Variants in PEX14 observed in about 807,000 individuals in gnomAD.
PEX14 encodes the protein peroxisomal biogenesis factor 14.
A neutral mutation model predicts 49.5 loss-of-function variants in PEX14; 15 were observed. The observed-to-expected ratio is 0.30, with a 90% CI of 0.20 to 0.47. PEX14 has a LOEUF of 0.47. PEX14 is among the 20% of genes least tolerant of loss of function. The pLI is 1.00. For synonymous variants in PEX14, 210 were observed against 212.7 expected (o/e 0.99, Z 0.11); for missense variants, 398 against 494.8 (o/e 0.80, Z 1.86).
intron 4 of PEX14, among the ~76,000 whole-genome samples, chr1:10,615,186 A>T (rs1052485201): frequency 2.0e-5 from 3 of 152,352 alleles, no homozygotes; most frequent in Admixed American, 6.5e-5. Context: ...ATAAAAGAAT[A>T]GATTGATAAA....
chr1:10,483,228 T>A (rs1041054780), intron 1 of PEX14, among the ~76,000 whole-genome samples: 1 of 152,192 alleles, frequency 6.6e-6, no homozygotes, highest in Non-Finnish European at 1.5e-5. Flanking sequence ...CAGTCATGGC[T>A]CGCTGCAGTC....
rs533352597 is a variant in PEX14, at chr1:10,610,586, A to C, written c.299-7746A>C. On this transcript the variant is annotated intron_variant, in intron 4 of 8. Transcript: ENST00000356607. ...AACCTCTGCCTCCCGGGTGGGTTCA[A>C]GTGATTCTCCTGCCTCAGCCTCCCG... 8.6e-5 allele frequency among the ~76,000 whole-genome samples: 13 copies of C among 151,990 alleles called. No individual in the cohort carries two copies. In the South Asian group the frequency reaches 1.0e-3, roughly 12 times the overall value.
intron 1 of PEX14, among the ~76,000 whole-genome samples, chr1:10,489,984 C>G (rs1641442563): frequency 1.3e-5 from 2 of 152,330 alleles, no homozygotes; most frequent in South Asian, 2.1e-4. Context: ...TGTTCCCTAT[C>G]ACTCCATCAT....
At chr1:10,483,177 A>G (rs1196468139) in intron 1 of PEX14, among the ~76,000 whole-genome samples, 2 of 152,202 alleles carry the variant, frequency 1.3e-5, no homozygotes, top group African/African-American at 4.8e-5. Context: ...AATTTTTGAG[A>G]CAGGGTCTCA....
intron 3 of PEX14, among the ~76,000 whole-genome samples, chr1:10,576,991 C>G (rs1310655272): frequency 6.6e-6 from 1 of 151,972 alleles, no homozygotes; most frequent in Non-Finnish European, 1.5e-5. Flanking sequence ...GTCCACCTGC[C>G]TCAGCCTCCT....
At chr1:10,561,612 T>G (rs1421014726) in intron 3 of PEX14, among the ~76,000 whole-genome samples, 1 of 152,200 alleles carries the variant, frequency 6.6e-6, no homozygotes, top group East Asian at 1.9e-4. Context: ...CTACCAGAAC[T>G]CTCCATATTA....
intron 3 of PEX14, among the ~76,000 whole-genome samples, chr1:10,550,706 G>A (rs2124509784): frequency 6.6e-6 from 1 of 152,248 alleles, no homozygotes; most frequent in South Asian, 2.1e-4. Flanking sequence ...GTAAACATGG[G>A]CTTATGAGAC....
At chr1:10,558,277 C>T (rs1042906538) in intron 3 of PEX14, among the ~76,000 whole-genome samples, 5 of 151,956 alleles carry the variant, frequency 3.3e-5, no homozygotes, top group South Asian at 2.1e-4. Flanking sequence ...CAAAGTGCTG[C>T]GATTACACGT....
intron 2 of PEX14, among the ~76,000 whole-genome samples, chr1:10,509,015 C>A (rs1641838655): frequency 6.6e-6 from 1 of 151,884 alleles, no homozygotes; most frequent in African/African-American, 2.4e-5. Flanking sequence ...CGGCTCACTG[C>A]AAACACCGCC....
chr1:10,578,910 T>C (rs1352698478), intron 3 of PEX14, among the ~76,000 whole-genome samples: 2 of 152,050 alleles, frequency 1.3e-5, no homozygotes, highest in Non-Finnish European at 2.9e-5. Flanking sequence ...GGAATAAAAA[T>C]AGGACCAGAG....
At chr1:10,498,134 G>C (rs1477301733) in intron 2 of PEX14, among the ~76,000 whole-genome samples, 1 of 152,110 alleles carries the variant, frequency 6.6e-6, no homozygotes, top group Non-Finnish European at 1.5e-5. Context: ...TTTAACATTA[G>C]CCGGGCTTGG....
chr1:10,578,204 G>C (rs1371260226), intron 3 of PEX14, among the ~76,000 whole-genome samples: 1 of 152,136 alleles, frequency 6.6e-6, no homozygotes, highest in African/African-American at 2.4e-5. Flanking sequence ...CATGCACAGG[G>C]GAAGTGCCAC....
intron 2 of PEX14, among the ~76,000 whole-genome samples, chr1:10,500,241 TA>T (rs1280986298): frequency 0.011 from 1,451 of 137,702 alleles, 19 homozygotes; most frequent in African/African-American, 0.03. Context: ...CGTCTCTACT[TA>T]AAAAAAAAAA....
chr1:10,556,144 G>T (rs1432560269), intron 3 of PEX14, among the ~76,000 whole-genome samples: 2 of 152,158 alleles, frequency 1.3e-5, no homozygotes, highest in Non-Finnish European at 2.9e-5. Flanking sequence ...CTCCTCCTCT[G>T]CTGGGATGAG....
At chr1:10,559,897 C>T (rs1029436811) in intron 3 of PEX14, among the ~76,000 whole-genome samples, 6 of 152,082 alleles carry the variant, frequency 3.9e-5, no homozygotes, top group Non-Finnish European at 8.8e-5. Context: ...TTTTCAGTCT[C>T]GCCTCCCCTG....
chr1:10,567,629 G>A (rs1298595180), intron 3 of PEX14, among the ~76,000 whole-genome samples: 11 of 151,990 alleles, frequency 7.2e-5, no homozygotes, highest in African/African-American at 2.7e-4. Context: ...CAAGTGGCTG[G>A]GATTACACGC....
intron 1 of PEX14, 51 bp downstream of exon 1, chr1:10,475,053 G>T (rs534211161): frequency 6.4e-7 from 1 of 1,556,016 alleles, no homozygotes; most frequent in African/African-American, 1.4e-5. Context: ...CGGCTGGAGG[G>T]GGCGCTCAGC....
intron 3 of PEX14, among the ~76,000 whole-genome samples, chr1:10,582,501 A>C (rs1640349649): frequency 6.6e-6 from 1 of 152,194 alleles, no homozygotes; most frequent in South Asian, 2.1e-4. Flanking sequence ...GTAGAAAAGT[A>C]CTTCTACCTA....
intron 3 of PEX14, among the ~76,000 whole-genome samples, chr1:10,588,155 G>A (rs1570313657): frequency 6.6e-6 from 1 of 151,890 alleles, no homozygotes; most frequent in South Asian, 2.1e-4. Flanking sequence ...AGGAGGCTAA[G>A]GTTGCAGTGA....
Sources: allele counts gnomAD v4.1 joint callset (sites outside exome capture counted in the v4.1 genomes callset), GRCh38; gene constraint gnomAD v4.1.1; transcripts MANE v1.5; gene names NCBI Gene and HGNC (gene_info 2026-07-23, HGNC 2026-07-21).